TANC1: variants seen among roughly 807,000 people sequenced by gnomAD.
The protein encoded by TANC1 is tetratricopeptide repeat, ankyrin repeat and coiled-coil containing 1.
TANC1 carries 77 observed loss-of-function variants against 149.7 expected under a neutral mutation model. That is an observed-to-expected ratio of 0.51 (90% confidence interval 0.43 to 0.62). TANC1 has a LOEUF of 0.62. Among genes scored for constraint, TANC1 ranks in the 20% least tolerant of loss-of-function variants. The probability of loss-of-function intolerance (pLI) is 0.00; values close to 1 mark genes in which losing one functional copy is unlikely to be tolerated. For missense variants in TANC1, 1,985 were observed against 2,321.8 expected (o/e 0.85, Z 2.98); for synonymous variants, 854 against 925.0 (o/e 0.92, Z 1.39).
Position 159,169,386 on chromosome 2 carries a change from C to T in TANC1, c.1069+14C>T, listed in dbSNP as rs1196099488. ...AGGAAGTTAAAGGTATTTATCCTGG[C>T]ATCAGCTGCGATAATGGTTATGACT... On this transcript the variant is annotated intron_variant, in intron 9 of 26. Transcript: ENST00000263635. The T allele has an allele frequency of 1.2e-6, 2 of 1,612,494 alleles. No homozygotes were observed. The highest frequency in any genetic ancestry group is 2.2e-5 in the South Asian group (2 of 90,598).
rs145728233 is a variant in TANC1 at position 158,976,214 on chromosome 2, A to G, written c.-126+7432A>G. Among the ~76,000 whole-genome samples the G allele has an allele frequency of 4.8e-3, 728 of 152,316 alleles. 2 individuals carry two copies. The highest frequency in any genetic ancestry group is 0.027 in the Middle Eastern group (8 of 294). ...ATGGGAGGGAAGAAAATATTCAAGA[A>G]TGTTAGAAAAAATTAAGCTTTTAAA... is the stretch of plus-strand genomic sequence containing the variant. On this transcript the variant is annotated intron_variant, in intron 1 of 26. Transcript: ENST00000263635.
intron 19 of TANC1, among the ~76,000 whole-genome samples, chr2:159,205,944 C>T (rs1352660187): frequency 1.3e-5 from 2 of 152,230 alleles, no homozygotes; most frequent in African/African-American, 2.4e-5. Context: ...ACTGAAGATA[C>T]TGGATTTTTC....
At chr2:159,142,990 G>T (rs2051553416) in intron 5 of TANC1, among the ~76,000 whole-genome samples, 1 of 150,504 alleles carries the variant, frequency 6.6e-6, no homozygotes, top group African/African-American at 2.4e-5. Context: ...TTGAACCCAG[G>T]AGTTGGTGGT....
intron 19 of TANC1, among the ~76,000 whole-genome samples, chr2:159,205,524 C>G (rs2058541799): frequency 6.6e-6 from 1 of 152,156 alleles, no homozygotes; most frequent in Non-Finnish European, 1.5e-5. Context: ...GCTACTTTTT[C>G]TATGTTTTGT....
intron 3 of TANC1, among the ~76,000 whole-genome samples, chr2:159,092,424 T>C (rs867470151): frequency 3.9e-5 from 6 of 152,250 alleles, no homozygotes; most frequent in African/African-American, 7.2e-5. Context: ...ATCTCCCAGA[T>C]TGACATTTTC....
At position 159,069,765 on chromosome 2, in the gene TANC1, C is replaced by CT. The variant is rs67843631; in HGVS notation, c.61+3815dup. Among the ~76,000 whole-genome samples, 158 of 109,346 alleles carry CT rather than the reference C, an allele frequency of 1.4e-3. 1 individual carries two copies. Among genetic ancestry groups the CT allele is most frequent in the South Asian group, 8.1e-3 (24 of 2,964 alleles). 71.7% of individuals were successfully genotyped at this position (109,346 alleles called of 152,430 possible). ...CAACCTAAGAAGAAATATGTGCAAG[C>CT]TTTTTTTTTTTTTTTTTTTTTGAGA... On this transcript the variant is annotated intron_variant, in intron 3 of 26. Coordinates refer to ENST00000263635, the MANE Select transcript of TANC1 (RefSeq NM_033394.3).
chr2:159,179,867 G>A (rs542128290), intron 14 of TANC1, among the ~76,000 whole-genome samples: 5 of 152,274 alleles, frequency 3.3e-5, no homozygotes, highest in East Asian at 3.9e-4. Flanking sequence ...ATGCAGATGC[G>A]TTCAGATATG....
chr2:159,219,253 T>A lies in TANC1; in HGVS notation c.3394T>A (p.Leu1132Met). The change falls in exon 21 of 27, where the codon TTG becomes ATG. Residue 1132 changes from leucine (L) to methionine (M), a missense_variant. By Grantham distance (15) the Leu-to-Met change is conservative. Transcript: ENST00000263635. The stretch of plus-strand genomic sequence containing the variant: ...TCTCTTCCAGATTGTTAGACTGCTG[T>A]TGGAACGCGGCTGTGATGTGAACCT... Reference protein sequence around the residue: ...QGHWQIVRLLLERGCDVNLSD... With the variant: ...QGHWQIVRLLMERGCDVNLSD... 2 of 1,614,164 alleles carry A rather than the reference T, an allele frequency of 1.2e-6. No individual in the cohort carries two copies. The highest frequency in any genetic ancestry group is 1.7e-6 in the Non-Finnish European group (2 of 1,180,040).
At chr2:159,150,668 C>T (rs920419191) in intron 7 of TANC1, 112 bp downstream of exon 7, 48 of 778,348 alleles carry the variant, frequency 6.2e-5, no homozygotes, top group Non-Finnish European at 9.8e-5. Flanking sequence ...AGTCTGCCAG[C>T]GCCTGCTCTG....
At chr2:159,035,769 G>A (rs1387232883) in intron 2 of TANC1, among the ~76,000 whole-genome samples, 1 of 152,190 alleles carries the variant, frequency 6.6e-6, no homozygotes, top group East Asian at 1.9e-4. Context: ...TGAGATCTCT[G>A]CGACTCTGTA....
intron 2 of TANC1, among the ~76,000 whole-genome samples, chr2:159,016,312 G>A (rs1328807476): frequency 6.6e-6 from 1 of 152,124 alleles, no homozygotes; most frequent in African/African-American, 2.4e-5. Flanking sequence ...ACAGTATGGG[G>A]GAACGACCCC....
intron 19 of TANC1, among the ~76,000 whole-genome samples, chr2:159,201,862 C>T (rs1013698138): frequency 1.3e-5 from 2 of 152,228 alleles, no homozygotes; most frequent in African/African-American, 4.8e-5. Context: ...AGAGCTTCCT[C>T]GTCTGTTTTG....
chr2:158,988,052 G>A (rs1274125756), intron 1 of TANC1, among the ~76,000 whole-genome samples: 5 of 152,122 alleles, frequency 3.3e-5, no homozygotes, highest in African/African-American at 1.2e-4. Context: ...GCCGGGCGTG[G>A]TGGCTCACAA....
At position 159,229,967 on chromosome 2, in the gene TANC1, T is replaced by C. The variant is rs763119531; in HGVS notation, c.4541T>C (p.Leu1514Pro). ...AGCAGGGCAGGAATCGGCAAGTCCC[T>C]GAGAGAGCCTGTGGCCCAGCCAGGG... The part of the protein sequence containing the change: ...PQSRAGIGKS[L>P]REPVAQPGLL... Residue 1514 changes from leucine to proline, a missense_variant, in exon 27 of 27, where the codon CTG becomes CCG. Physicochemically the swap from Leu to Pro is moderately conservative, Grantham distance 98. Coordinates refer to ENST00000263635, the MANE Select transcript of TANC1 (RefSeq NM_033394.3). The C allele has an allele frequency of 1.2e-6, 2 of 1,614,024 alleles. No individual in the cohort carries two copies. The highest frequency in any genetic ancestry group is 2.2e-5 in the South Asian group (2 of 91,082).
chr2:159,188,831 T>C (rs1270467195), intron 16 of TANC1, among the ~76,000 whole-genome samples: 1 of 152,250 alleles, frequency 6.6e-6, no homozygotes, highest in Non-Finnish European at 1.5e-5. Flanking sequence ...AATCCAGAAG[T>C]TGAGAGATAC....
intron 2 of TANC1, among the ~76,000 whole-genome samples, chr2:159,063,257 A>AT (rs1339789006): frequency 1.3e-5 from 2 of 152,152 alleles, no homozygotes; most frequent in African/African-American, 4.8e-5. Context: ...CCAGAATTGG[A>AT]TATAGGGGTA....
At chr2:158,992,508 T>C (rs555967667) in intron 1 of TANC1, among the ~76,000 whole-genome samples, 2 of 152,132 alleles carry the variant, frequency 1.3e-5, no homozygotes, top group Admixed American at 1.3e-4. Context: ...CTGTGTAATA[T>C]ATTTCTTTTT....
intron 4 of TANC1, among the ~76,000 whole-genome samples, chr2:159,120,729 C>T (rs2048764819): frequency 6.6e-6 from 1 of 152,176 alleles, no homozygotes; most frequent in South Asian, 2.1e-4. Flanking sequence ...ACCTCAGCCT[C>T]CCAAGTAGCT....
intron 4 of TANC1, among the ~76,000 whole-genome samples, chr2:159,123,840 C>T (rs1477192873): frequency 6.6e-6 from 1 of 152,172 alleles, no homozygotes; most frequent in Admixed American, 6.5e-5. Flanking sequence ...AGAGTAAAAC[C>T]CCCTGCCTCC....
Sources: gnomAD v4.1 joint callset for allele counts (sites outside exome capture counted in the v4.1 genomes callset) on GRCh38, gnomAD v4.1.1 for gene constraint, MANE v1.5 for transcripts, NCBI Gene and HGNC (gene_info 2026-07-23, HGNC 2026-07-21) for gene names.